ASPH: variants seen among roughly 807,000 people sequenced by gnomAD.
ASPH encodes the protein aspartyl/asparaginyl beta-hydroxylase.
ASPH carries 100 observed loss-of-function variants against 118.4 expected under a neutral mutation model. The ratio of observed to expected loss-of-function variants is 0.84; its 90% CI spans 0.72 to 1.00. ASPH has a LOEUF of 1.00. ASPH is among the 50% of genes least tolerant of loss of function. The pLI, the probability that ASPH is intolerant of heterozygous loss-of-function variation, is 0.00. For missense variants in ASPH, 920 were observed against 919.5 expected, an observed-to-expected ratio of 1.00 and a Z score of -0.01; for synonymous variants, 315 against 325.6, an observed-to-expected ratio of 0.97 and a Z score of 0.35.
intron 3 of ASPH, chr8:61,665,256 C>T (rs1420118579): frequency 2.5e-6 from 4 of 1,587,834 alleles, no homozygotes; most frequent in African/African-American, 1.4e-5. Context: ...GAGCTTTAGC[C>T]GTTTCTTTTC....
At chr8:61,567,343 A>G in intron 16 of ASPH, 25 bp from the exon 17 acceptor site, 5 of 1,600,804 alleles carry the variant, frequency 3.1e-6, no homozygotes, top group South Asian at 1.1e-5. Flanking sequence ...CAGACTGGAT[A>G]AATGTCCCAT....
intron 1 of ASPH, among the ~76,000 whole-genome samples, chr8:61,702,601 C>A (rs2151875203): frequency 6.6e-6 from 1 of 152,208 alleles, no homozygotes; most frequent in Admixed American, 6.5e-5. Context: ...ATAACTACTT[C>A]TATACAAACT....
At chr8:61,607,269 A>C (rs1242020881) in intron 14 of ASPH, 1 of 702,364 alleles carries the variant, frequency 1.4e-6, no homozygotes, top group Non-Finnish European at 2.6e-6. Context: ...GGATGGCTGA[A>C]GTCCCAGGAC....
chr8:61,633,545 G>C (rs1190721896), intron 13 of ASPH, 138 bp downstream of exon 13: 1 of 712,144 alleles, frequency 1.4e-6, no homozygotes, highest in Non-Finnish European at 2.2e-6. Context: ...GATCAAAACA[G>C]AAAAATTCTA....
intron 15 of ASPH, chr8:61,578,616 C>T (rs572882164): frequency 4.6e-5 from 72 of 1,549,686 alleles, no homozygotes; most frequent in East Asian, 1.8e-4. Context: ...GAAGATGGCT[C>T]GGAGCAACAT....
At chr8:61,698,710 A>T (rs1006609655) in intron 1 of ASPH, among the ~76,000 whole-genome samples, 1 of 152,144 alleles carries the variant, frequency 6.6e-6, no homozygotes, top group Non-Finnish European at 1.5e-5. Context: ...AGGGGCTGTT[A>T]GCCGCCAGTC....
chr8:61,696,852 T>A (rs781584424), intron 1 of ASPH, among the ~76,000 whole-genome samples: 4 of 152,188 alleles, frequency 2.6e-5, no homozygotes, highest in Non-Finnish European at 1.5e-5. Flanking sequence ...TAAAAAAGGT[T>A]ATTTTTTCAA....
intron 22 of ASPH, among the ~76,000 whole-genome samples, chr8:61,523,424 T>A (rs1433369928): frequency 6.6e-6 from 1 of 151,414 alleles, no homozygotes. Context: ...CAAGTGATTC[T>A]CCTACCTCAG....
intron 18 of ASPH, among the ~76,000 whole-genome samples, chr8:61,559,497 G>C (rs186785303): frequency 6.6e-6 from 1 of 152,080 alleles, no homozygotes; most frequent in African/African-American, 2.4e-5. Context: ...CAAACACAAA[G>C]CACAGACAAA....
At chr8:61,508,800 A>C (rs1320506752) in intron 24 of ASPH, among the ~76,000 whole-genome samples, 1 of 152,248 alleles carries the variant, frequency 6.6e-6, no homozygotes, top group Non-Finnish European at 1.5e-5. Flanking sequence ...GGTGGCCTGC[A>C]AGGCATGAAA....
chr8:61,538,032 C>T (rs1477831196), intron 21 of ASPH, among the ~76,000 whole-genome samples: 6 of 152,164 alleles, frequency 3.9e-5, no homozygotes, highest in Non-Finnish European at 5.9e-5. Flanking sequence ...CACACAGGAA[C>T]ATCCATGATG....
intron 15 of ASPH, among the ~76,000 whole-genome samples, chr8:61,577,182 G>C (rs540761345): frequency 3.3e-5 from 5 of 151,792 alleles, no homozygotes; most frequent in Non-Finnish European, 5.9e-5. Context: ...GTCGTGGGGT[G>C]GGGGGATGGA....
rs552181101 is a variant in ASPH at position 61,705,890 on chromosome 8, T to C, written c.103+8379A>G. Reference sequence around the variant, plus strand: ...CTTCGAAAGGCATGAAAGAATAAGATTGACTAATAGACATGACAAAGCAAA... The same window carrying C: ...CTTCGAAAGGCATGAAAGAATAAGACTGACTAATAGACATGACAAAGCAAA... On this transcript the variant is annotated intron_variant, in intron 1 of 24. Transcript: ENST00000379454. Among the ~76,000 whole-genome samples the C allele has an allele frequency of 3.9e-5, 6 of 152,306 alleles. No individual in the cohort carries two copies. In the South Asian group the frequency reaches 8.3e-4, roughly 21 times the overall value.
At chr8:61,628,640 A>G (rs1475773668) in intron 13 of ASPH, among the ~76,000 whole-genome samples, 3 of 152,054 alleles carry the variant, frequency 2.0e-5, no homozygotes, top group African/African-American at 7.2e-5. Context: ...CAACACCTGA[A>G]AACAGCTAAA....
At chr8:61,526,180 G>T in intron 21 of ASPH, 68 bp from the exon 22 acceptor site, 2 of 1,569,814 alleles carry the variant, frequency 1.3e-6, no homozygotes, top group Non-Finnish European at 1.7e-6. Flanking sequence ...AATGACTCTT[G>T]TTTTTTTTGA....
At chr8:61,701,889 C>T (rs537968735) in intron 1 of ASPH, among the ~76,000 whole-genome samples, 5 of 152,244 alleles carry the variant, frequency 3.3e-5, no homozygotes, top group African/African-American at 1.2e-4. Flanking sequence ...CTTTAATAAA[C>T]TTAGCAAAAC....
At chr8:61,519,016 A>G (rs78940269) in intron 22 of ASPH, among the ~76,000 whole-genome samples, 16,978 of 152,278 alleles carry the variant, frequency 0.11, 975 homozygotes, top group Non-Finnish European at 0.13. Flanking sequence ...TATTTTAAGC[A>G]GATACTGAAA....
rs1454152750 is a variant in ASPH, at chr8:61,500,847, GTTAA to G, written c.*2508_*2511del. The G allele has an allele frequency of 6.6e-6, 1 of 152,118 alleles. No homozygotes were observed. Among genetic ancestry groups the G allele is most frequent in the Non-Finnish European group, 1.5e-5 (1 of 68,032 alleles). 9.4% of individuals were successfully genotyped at this position (152,118 alleles called of 1,614,324 possible). ...TACATTATTTTAAATATTTGGGAGAGTTAATTTGTTAGCTAAATAATTCAAGGGA... is the reference window on the plus strand; with the variant it reads ...TACATTATTTTAAATATTTGGGAGAGTTTGTTAGCTAAATAATTCAAGGGA... On this transcript the variant is annotated 3_prime_UTR_variant, in exon 25 of 25. Coordinates refer to ENST00000379454, the MANE Select transcript of ASPH (RefSeq NM_004318.4).
At chr8:61,663,091 C>T in intron 3 of ASPH, 9 of 985,302 alleles carry the variant, frequency 9.1e-6, no homozygotes, top group Non-Finnish European at 9.6e-6. Flanking sequence ...AAAAACATTC[C>T]ATTTATCTCA....
Sources: gnomAD v4.1 joint callset for allele counts (sites outside exome capture counted in the v4.1 genomes callset) on GRCh38, gnomAD v4.1.1 for gene constraint, MANE v1.5 for transcripts, NCBI Gene and HGNC (gene_info 2026-07-23, HGNC 2026-07-21) for gene names.